DCAF8L2: variants seen among roughly 807,000 people sequenced by gnomAD.
DCAF8L2 encodes DDB1 and CUL4 associated factor 8 like 2, also known as DDB1- and CUL4-associated factor 8-like protein 2.
For synonymous variants in DCAF8L2, 200 were observed against 190.9 expected, an observed-to-expected ratio of 1.05 and a Z score of -0.39; for missense variants, 430 against 490.7, an observed-to-expected ratio of 0.88 and a Z score of 1.17.
chrX:27,701,258 C>A (rs924880566), intron 3 of DCAF8L2, among the ~76,000 whole-genome samples: 11 of 111,326 alleles, frequency 9.9e-5, no homozygotes, highest in African/African-American at 3.3e-4. Context: ...ATTATCATGG[C>A]ATTGTATCCA....
chrX:27,479,159 G>A, the DCAF8L2 span, among the ~76,000 whole-genome samples: 7 of 110,636 alleles, frequency 6.3e-5, no homozygotes, highest in Non-Finnish European at 1.3e-4. Context: ...CCATGTAGAG[G>A]ACTATGTAGC....
chrX:27,651,056 A>G (rs1929129755), intron 2 of DCAF8L2, among the ~76,000 whole-genome samples: 1 of 112,070 alleles, frequency 8.9e-6, no homozygotes, highest in African/African-American at 3.2e-5. Flanking sequence ...AGATGATCAT[A>G]TGATTTTTGT....
intron 3 of DCAF8L2, among the ~76,000 whole-genome samples, chrX:27,704,774 T>C (rs1208475757): frequency 9.0e-6 from 1 of 111,547 alleles, no homozygotes; most frequent in East Asian, 2.8e-4. Flanking sequence ...ACACCTTAAA[T>C]ATATGCAATA....
At chrX:27,738,828 T>C (rs1921684925) in intron 4 of DCAF8L2, among the ~76,000 whole-genome samples, 1 of 111,933 alleles carries the variant, frequency 8.9e-6, no homozygotes, top group Admixed American at 9.6e-5. Context: ...TCCTCATTCA[T>C]AGTTGATTTC....
the DCAF8L2 span, among the ~76,000 whole-genome samples, chrX:27,533,127 GAA>G: frequency 1.9e-3 from 56 of 28,912 alleles, 1 homozygote; most frequent in African/African-American, 4.1e-3. Context: ...GAAGGGAAAG[GAA>G]GGAAGGAAGG....
intron 4 of DCAF8L2, among the ~76,000 whole-genome samples, chrX:27,732,361 G>A (rs1016856874): frequency 3.6e-5 from 4 of 110,255 alleles, no homozygotes; most frequent in African/African-American, 6.6e-5. Flanking sequence ...GCATATCCAC[G>A]AGATCATGCA....
At chrX:27,728,495 T>G (rs2147312332) in intron 4 of DCAF8L2, among the ~76,000 whole-genome samples, 1 of 111,329 alleles carries the variant, frequency 9.0e-6, no homozygotes, top group South Asian at 3.8e-4. Context: ...AGGGAAAGCC[T>G]TAACCCTTTC....
chrX:27,641,425 G>T (rs1928712873), intron 2 of DCAF8L2, among the ~76,000 whole-genome samples: 1 of 108,157 alleles, frequency 9.2e-6, no homozygotes, highest in Non-Finnish European at 1.9e-5. Context: ...CCAACATAAA[G>T]CCTGCTATAT....
At chrX:27,499,444 A>G in the DCAF8L2 span, among the ~76,000 whole-genome samples, 2 of 112,107 alleles carry the variant, frequency 1.8e-5, no homozygotes, top group African/African-American at 3.2e-5. Flanking sequence ...ATCAAGTTGT[A>G]TAAGTTCCTT....
chrX:27,726,732 G>A (rs888813273), intron 4 of DCAF8L2, among the ~76,000 whole-genome samples: 1 of 111,918 alleles, frequency 8.9e-6, no homozygotes, highest in African/African-American at 3.2e-5. Flanking sequence ...TATCCATAAT[G>A]TTTTGTGCAG....
At chrX:27,506,159 T>G in the DCAF8L2 span, among the ~76,000 whole-genome samples, 1 of 112,061 alleles carries the variant, frequency 8.9e-6, no homozygotes, top group African/African-American at 3.2e-5. Flanking sequence ...TATTTATCAT[T>G]GAAGACAAAG....
chrX:27,617,490 T>C (rs1161982367), intron 1 of DCAF8L2, among the ~76,000 whole-genome samples: 3 of 111,440 alleles, frequency 2.7e-5, no homozygotes, highest in Non-Finnish European at 5.7e-5. Flanking sequence ...ATGAATCATA[T>C]GATTCAAGGA....
intron 2 of DCAF8L2, among the ~76,000 whole-genome samples, chrX:27,636,910 G>T (rs1246450692): frequency 3.6e-5 from 4 of 111,887 alleles, no homozygotes; most frequent in Non-Finnish European, 7.5e-5. Context: ...GGCTAAAAAA[G>T]AGAATCCTTG....
chrX:27,576,972 T>C, the DCAF8L2 span, among the ~76,000 whole-genome samples: 1 of 111,918 alleles, frequency 8.9e-6, no homozygotes, highest in Admixed American at 9.5e-5. Context: ...AACTGGCTGC[T>C]AGAAGGCTCT....
Position 27,747,807 on chromosome X carries a change from T to C in DCAF8L2, c.912T>C (p.Asn304=), listed in dbSNP as rs760312338. 2 of 1,207,403 alleles carry C rather than the reference T, an allele frequency of 1.7e-6. No homozygotes were observed. The highest frequency in any genetic ancestry group is 5.9e-5 in the East Asian group (2 of 33,670). ...AGGTACGGGTAGCAGAGTTAATTAA[T>C]GCATCATATTTCAACAATACTAAGT... ...DGQVRVAELI[N]ASYFNNTKCV... The change falls in exon 5 of 5, where the codon AAT becomes AAC. Residue 304 remains asparagine, a synonymous_variant. Coordinates refer to ENST00000451261, the MANE Select transcript of DCAF8L2 (RefSeq NM_001353450.2).
intron 1 of DCAF8L2, among the ~76,000 whole-genome samples, chrX:27,606,235 ATATATATATAGGAAT>A (rs1180850753): frequency 2.3e-4 from 21 of 90,529 alleles, no homozygotes; most frequent in Non-Finnish European, 4.2e-4. Flanking sequence ...ATACAAATAT[ATATATATATAGGAAT>A]TATATATATA....
chrX:27,667,090 T>G (rs1287044422), intron 2 of DCAF8L2, among the ~76,000 whole-genome samples: 3 of 97,413 alleles, frequency 3.1e-5, no homozygotes, highest in African/African-American at 1.2e-4. Context: ...CCTTTACAAT[T>G]AAAAAGTTCA....
intron 2 of DCAF8L2, among the ~76,000 whole-genome samples, chrX:27,663,807 C>T (rs1022257729): frequency 1.9e-5 from 2 of 107,921 alleles, no homozygotes; most frequent in East Asian, 5.8e-4. Flanking sequence ...AAGCAATTCT[C>T]TTGTCTCAGC....
At chrX:27,648,763 G>A (rs1281770504) in intron 2 of DCAF8L2, among the ~76,000 whole-genome samples, 1 of 110,931 alleles carries the variant, frequency 9.0e-6, no homozygotes, top group Non-Finnish European at 1.9e-5. Flanking sequence ...AGAACAAGGT[G>A]GACAAAGCAC....
Sources: allele counts gnomAD v4.1 joint callset (sites outside exome capture counted in the v4.1 genomes callset), GRCh38; gene constraint gnomAD v4.1.1; transcripts MANE v1.5; gene names NCBI Gene and HGNC (gene_info 2026-07-23, HGNC 2026-07-21).